Variants in NOMO1 observed in about 807,000 individuals in gnomAD.
NOMO1 encodes the protein NODAL modulator 1.
NOMO1 carries 40 observed loss-of-function variants against 133.8 expected under a neutral mutation model. The observed-to-expected ratio is 0.30, with a 90% CI of 0.23 to 0.39. NOMO1 has a LOEUF of 0.39. Ranked by LOEUF, NOMO1 falls within the 10% of genes least tolerant of loss-of-function variation. The probability of loss-of-function intolerance (pLI) is 1.00; values close to 1 mark genes in which losing one functional copy is unlikely to be tolerated. For missense variants in NOMO1, 462 were observed against 1,419.9 expected, an observed-to-expected ratio of 0.33 and a Z score of 10.84; for synonymous variants, 236 against 570.5, an observed-to-expected ratio of 0.41 and a Z score of 8.36.
Position 14,853,452 on chromosome 16 carries a change from TACCCCCTGGC to T in NOMO1, c.736-13_736-4del. The T allele has an allele frequency of 6.5e-7, 1 of 1,543,786 alleles. No homozygotes were observed. ...ATGGAAAAGGAAGTCTTGTCTTTTT[TACCCCCTGGC>T]ATAGGATGTCCTGGGCTGCAATGTC... On this transcript the variant is annotated splice_region_variant and splice_polypyrimidine_tract_variant and intron_variant, in intron 7 of 30. Coordinates refer to ENST00000287667, the MANE Select transcript of NOMO1 (RefSeq NM_014287.4).
intron 28 of NOMO1, among the ~76,000 whole-genome samples, chr16:14,887,313 A>G (rs1158276789): frequency 1.4e-5 from 2 of 147,648 alleles, no homozygotes; most frequent in Non-Finnish European, 3.0e-5. Flanking sequence ...TTTTTTTTTG[A>G]GACGGAGTCT....
chr16:14,842,839 T>C (rs1340207459), intron 3 of NOMO1, among the ~76,000 whole-genome samples: 3 of 150,526 alleles, frequency 2.0e-5, no homozygotes, highest in Non-Finnish European at 3.0e-5. Context: ...TCTGTATCAT[T>C]TGTAGCTTTA....
At chr16:14,864,455 G>T (rs1963961811) in intron 12 of NOMO1, 130 bp from the exon 13 acceptor site, 13 of 1,514,010 alleles carry the variant, frequency 8.6e-6, no homozygotes, top group Non-Finnish European at 1.2e-5. Context: ...TGTAAAATCG[G>T]CCTGGAAACG....
chr16:14,887,551 C>T (rs372686634), intron 28 of NOMO1, among the ~76,000 whole-genome samples: 30 of 151,758 alleles, frequency 2.0e-4, no homozygotes, highest in East Asian at 1.2e-3. Flanking sequence ...CCACCTGCCT[C>T]GGCCTCCCAA....
intron 9 of NOMO1, among the ~76,000 whole-genome samples, chr16:14,855,530 A>C (rs2151896150): frequency 6.6e-6 from 1 of 151,990 alleles, no homozygotes; most frequent in Non-Finnish European, 1.5e-5. Context: ...GCGGACTTTT[A>C]GGTCATATGC....
At chr16:14,858,556 A>AG (rs1396217195) in intron 11 of NOMO1, among the ~76,000 whole-genome samples, 2 of 151,762 alleles carry the variant, frequency 1.3e-5, no homozygotes, top group African/African-American at 4.8e-5. Flanking sequence ...GCATGAGCAA[A>AG]GTCAGGCAGT....
chr16:14,881,012 C>T (rs991225199), intron 24 of NOMO1, among the ~76,000 whole-genome samples: 16 of 150,692 alleles, frequency 1.1e-4, no homozygotes, highest in African/African-American at 2.0e-4. Flanking sequence ...AGCAAGACCC[C>T]GTCTCTACAA....
intron 5 of NOMO1, among the ~76,000 whole-genome samples, 200 bp downstream of exon 5, chr16:14,846,883 A>G (rs1963690022): frequency 6.7e-6 from 1 of 149,096 alleles, no homozygotes. Flanking sequence ...CCTAGCATTG[A>G]TGAGATGATT....
chr16:14,876,526 C>A lies in NOMO1; in HGVS notation c.2516+8C>A, dbSNP rs375136224. ...TGACAAAGGTGCCTACAGGTGAGCC[C>A]GGGATAGAGACACATGTGCCTGGGA... On this transcript the variant is annotated splice_region_variant and intron_variant, in intron 21 of 30. Transcript: ENST00000287667. The A allele has an allele frequency of 4.3e-5, 69 of 1,611,376 alleles. No individual in the cohort carries two copies. The highest frequency in any genetic ancestry group is 4.5e-4 in the Middle Eastern group (2 of 4,450).
intron 4 of NOMO1, among the ~76,000 whole-genome samples, chr16:14,846,024 CTTTTT>C (rs1195109475): frequency 8.1e-6 from 1 of 122,968 alleles, no homozygotes; most frequent in Non-Finnish European, 1.7e-5. Context: ...TGTACATTTA[CTTTTT>C]TTTTTTTTTT....
At chr16:14,867,174 ATATTTTTTTTT>A (rs1392170508) in intron 15 of NOMO1, among the ~76,000 whole-genome samples, 22 of 13,910 alleles carry the variant, frequency 1.6e-3, no homozygotes, top group African/African-American at 3.3e-3. Flanking sequence ...ATATATATAT[ATATTTTTTTTT>A]TTTTTTTTTT....
chr16:14,889,656 T>C (rs935931235), intron 29 of NOMO1, among the ~76,000 whole-genome samples: 9 of 151,748 alleles, frequency 5.9e-5, no homozygotes, highest in Non-Finnish European at 8.8e-5. Context: ...GCTCCTGGCA[T>C]TGGGTCACTT....
chr16:14,875,474 C>T, intron 20 of NOMO1, 52 bp downstream of exon 20: 1 of 918,820 alleles, frequency 1.1e-6, no homozygotes, highest in Non-Finnish European at 1.7e-6. Flanking sequence ...CAGTTGTTCC[C>T]TTGCCTGCAT....
intron 1 of NOMO1, among the ~76,000 whole-genome samples, chr16:14,835,636 C>T (rs1477987942): frequency 1.3e-5 from 2 of 151,578 alleles, no homozygotes; most frequent in Admixed American, 6.6e-5. Context: ...GTGGGACACT[C>T]ATTCTTTCAT....
chr16:14,867,174 ATATTTTTTTT>A (rs1443081711), intron 15 of NOMO1, among the ~76,000 whole-genome samples: 353 of 13,656 alleles, frequency 0.026, no homozygotes, highest in Non-Finnish European at 0.036. Flanking sequence ...ATATATATAT[ATATTTTTTTT>A]TTTTTTTTTT....
rs1171144334 is a variant in NOMO1, at chr16:14,892,243, A to C, written c.3445-2755A>C. Reference sequence around the variant, plus strand: ...CTGGGCGACAGAGCAAGACTGTTTCAAAAAAAAAAAAGAAAGTGCCAGAAA... The same window carrying C: ...CTGGGCGACAGAGCAAGACTGTTTCCAAAAAAAAAAAGAAAGTGCCAGAAA... On this transcript the variant is annotated intron_variant, in intron 29 of 30. Coordinates refer to ENST00000287667, the MANE Select transcript of NOMO1 (RefSeq NM_014287.4). Among the ~76,000 whole-genome samples the C allele has an allele frequency of 2.1e-5, 3 of 145,660 alleles. 1 individual carries two copies. In the East Asian group the frequency reaches 6.0e-4, roughly 29 times the overall value.
At chr16:14,893,468 G>A (rs2151013937) in intron 29 of NOMO1, among the ~76,000 whole-genome samples, 1 of 152,014 alleles carries the variant, frequency 6.6e-6, no homozygotes, top group African/African-American at 2.4e-5. Flanking sequence ...TTACAGGCGT[G>A]AGCCACTGCA....
chr16:14,887,561 A>G (rs1422794152), intron 28 of NOMO1, among the ~76,000 whole-genome samples: 2 of 151,672 alleles, frequency 1.3e-5, no homozygotes, highest in East Asian at 3.9e-4. Flanking sequence ...CGGCCTCCCA[A>G]AGTGCTGAGA....
chr16:14,851,070 T>G, intron 6 of NOMO1, among the ~76,000 whole-genome samples: 3 of 109,500 alleles, frequency 2.7e-5, no homozygotes, highest in Middle Eastern at 4.3e-3. Context: ...GGTGACAGAG[T>G]GAGACTCCAT....
Sources: allele counts gnomAD v4.1 joint callset (sites outside exome capture counted in the v4.1 genomes callset), GRCh38; gene constraint gnomAD v4.1.1; transcripts MANE v1.5; gene names NCBI Gene and HGNC (gene_info 2026-07-23, HGNC 2026-07-21).